ACCSL: variants seen among roughly 807,000 people sequenced by gnomAD.
ACCSL encodes 1-aminocyclopropane-1-carboxylate synthase homolog (inactive) like.
Under a neutral mutation model 61.7 loss-of-function variants are expected in ACCSL, and 55 were observed. The ratio of observed to expected loss-of-function variants is 0.89; its 90% confidence interval spans 0.72 to 1.12. The LOEUF (loss-of-function observed/expected upper bound fraction) is 1.12, where lower values mean the gene tolerates loss of function less well. Ranked by LOEUF, ACCSL falls within the 50% of genes most tolerant of loss-of-function variation. ACCSL has a pLI of 0.00. For missense variants in ACCSL, 632 were observed against 698.0 expected (o/e 0.91, Z 1.07); for synonymous variants, 258 against 264.3 (o/e 0.98, Z 0.23).
chr11:43,974,451 T>C, the ACCSL span, among the ~76,000 whole-genome samples: 1 of 152,342 alleles, frequency 6.6e-6, no homozygotes, highest in Non-Finnish European at 1.5e-5. Flanking sequence ...ACCTGGATAA[T>C]CTGAGATGAT....
At chr11:44,009,532 A>G in the ACCSL span, among the ~76,000 whole-genome samples, 19 of 152,188 alleles carry the variant, frequency 1.2e-4, no homozygotes, top group Non-Finnish European at 2.1e-4. Flanking sequence ...TTGAGAGGCC[A>G]AGATAGGAGG....
chr11:44,025,323 T>TA, the ACCSL span, among the ~76,000 whole-genome samples: 9 of 152,252 alleles, frequency 5.9e-5, no homozygotes, highest in Non-Finnish European at 1.2e-4. Context: ...TCACTTTTTT[T>TA]AAAAAATTAC....
chr11:43,927,864 C>G, the ACCSL span, among the ~76,000 whole-genome samples: 1 of 152,204 alleles, frequency 6.6e-6, no homozygotes, highest in Non-Finnish European at 1.5e-5. Flanking sequence ...TGTCCTGTGC[C>G]TGGCACAGAG....
chr11:44,056,661 G>A (rs969668976), intron 11 of ACCSL, among the ~76,000 whole-genome samples: 3 of 152,030 alleles, frequency 2.0e-5, no homozygotes, highest in Non-Finnish European at 4.4e-5. Flanking sequence ...GGTGAAACCC[G>A]GTCTCTACTA....
chr11:43,949,770 G>A, the ACCSL span, among the ~76,000 whole-genome samples: 1 of 152,082 alleles, frequency 6.6e-6, no homozygotes, highest in Non-Finnish European at 1.5e-5. Context: ...AGCCAAGATC[G>A]CACCACTGCA....
chr11:44,035,036 G>C, the ACCSL span, among the ~76,000 whole-genome samples: 1 of 152,098 alleles, frequency 6.6e-6, no homozygotes, highest in Non-Finnish European at 1.5e-5. Flanking sequence ...CTTTGCACTT[G>C]GCATTCCCTC....
At chr11:43,942,031 C>CGTGT in the ACCSL span, among the ~76,000 whole-genome samples, 36 of 114,544 alleles carry the variant, frequency 3.1e-4, 1 homozygote, top group South Asian at 8.9e-4. Context: ...TGTTTGCATT[C>CGTGT]GTGCGTGTGT....
the ACCSL span, among the ~76,000 whole-genome samples, chr11:43,930,608 G>A: frequency 6.6e-6 from 1 of 152,120 alleles, no homozygotes; most frequent in East Asian, 1.9e-4. Flanking sequence ...AAAGCTTCCT[G>A]AGGCTTCACC....
chr11:43,943,328 G>T, the ACCSL span: 1 of 1,426,112 alleles, frequency 7.0e-7, no homozygotes, highest in Non-Finnish European at 9.1e-7. This position sits in a 1 kb window ranked among gnomAD's most constrained non-coding sequence, Gnocchi z 4.8. Flanking sequence ...GGGGACCGGC[G>T]TGTGAACCCC....
At chr11:43,934,517 G>A in the ACCSL span, among the ~76,000 whole-genome samples, 15 of 152,162 alleles carry the variant, frequency 9.9e-5, no homozygotes. Flanking sequence ...AGCGGTGGCT[G>A]GGCCAAACAC....
At chr11:44,027,646 G>A in the ACCSL span, among the ~76,000 whole-genome samples, 2 of 152,148 alleles carry the variant, frequency 1.3e-5, no homozygotes, top group African/African-American at 4.8e-5. Flanking sequence ...GTTCCCAAGG[G>A]CATACAACTG....
chr11:43,938,457 TC>T, the ACCSL span, among the ~76,000 whole-genome samples: 337 of 152,332 alleles, frequency 2.2e-3, 1 homozygote, highest in Non-Finnish European at 2.5e-3. Context: ...AAAGTTCCTT[TC>T]TTGACAGAGT....
the ACCSL span, among the ~76,000 whole-genome samples, chr11:44,002,303 G>T: frequency 6.6e-6 from 1 of 152,104 alleles, no homozygotes; most frequent in Middle Eastern, 3.2e-3. Context: ...CCCTTCAGAT[G>T]CCACCTCGCC....
At chr11:43,929,581 AT>A in the ACCSL span, among the ~76,000 whole-genome samples, 1 of 151,720 alleles carries the variant, frequency 6.6e-6, no homozygotes, top group Non-Finnish European at 1.5e-5. Context: ...TCATTTTTGT[AT>A]TTTTAGTAGA....
chr11:43,967,585 G>A, the ACCSL span, among the ~76,000 whole-genome samples: 227 of 151,996 alleles, frequency 1.5e-3, 7 homozygotes, highest in South Asian at 0.042. Flanking sequence ...AGAGGTAATC[G>A]TTTTATGAAG....
At chr11:44,036,421 A>AG in the ACCSL span, among the ~76,000 whole-genome samples, 3 of 152,236 alleles carry the variant, frequency 2.0e-5, no homozygotes, top group Non-Finnish European at 4.4e-5. Context: ...AATGGGGCCA[A>AG]GGACACGTTC....
the ACCSL span, among the ~76,000 whole-genome samples, chr11:43,963,359 C>T: frequency 5.8e-4 from 89 of 152,336 alleles, no homozygotes; most frequent in African/African-American, 2.0e-3. Flanking sequence ...CAGTGACAAG[C>T]TTTCTCCAGT....
At chr11:44,030,514 G>A in the ACCSL span, among the ~76,000 whole-genome samples, 12 of 152,050 alleles carry the variant, frequency 7.9e-5, no homozygotes, top group Admixed American at 7.9e-4. Flanking sequence ...CAAGGCACAG[G>A]ACTGCGTCCC....
At position 44,048,560 on chromosome 11, in the gene ACCSL, GGTGGGC is replaced by G; in HGVS notation, c.504+21_504+26del. ...ACCTTGGTGAGAATTTGGGGTGGGG[GGTGGGC>G]AGCATCCTCACGGGCTCCAGTCACT... On this transcript the variant is annotated intron_variant, in intron 1 of 13. Transcript: ENST00000378832. 1 of 210,658 alleles carries G rather than the reference GGTGGGC, an allele frequency of 4.7e-6. No homozygotes were observed. The highest frequency in any genetic ancestry group is 1.3e-4 in the East Asian group (1 of 7,420). 13.0% of individuals were successfully genotyped at this position (210,658 alleles called of 1,614,324 possible).
Sources: gnomAD v4.1 joint callset for allele counts (sites outside exome capture counted in the v4.1 genomes callset) on GRCh38, gnomAD v4.1.1 for gene constraint, Gnocchi (gnomAD v3.1) non-coding constraint, MANE v1.5 for transcripts, NCBI Gene and HGNC (gene_info 2026-07-23, HGNC 2026-07-21) for gene names.